Variants in RSPH6A observed in about 807,000 individuals in gnomAD.
The protein encoded by RSPH6A is radial spoke head 6 homolog A, also known as radial spoke head protein 6 homolog A.
A neutral mutation model predicts 66.1 loss-of-function variants in RSPH6A; 49 were observed. The ratio of observed to expected loss-of-function variants is 0.74; its 90% confidence interval spans 0.59 to 0.94. The LOEUF is 0.94. RSPH6A is among the 40% of genes least tolerant of loss of function. The probability of loss-of-function intolerance (pLI) is 0.00; values close to 1 mark genes in which losing one functional copy is unlikely to be tolerated. For synonymous variants in RSPH6A, 419 were observed against 402.4 expected (o/e 1.04, Z -0.49); for missense variants, 977 against 948.3 (o/e 1.03, Z -0.40).
chr19:45,796,686 T>G (rs766203826), intron 5 of RSPH6A, among the ~76,000 whole-genome samples: 2 of 152,058 alleles, frequency 1.3e-5, no homozygotes, highest in Non-Finnish European at 2.9e-5. Context: ...CTAATTTTTA[T>G]ATTTTTAGTA....
Position 45,796,009 on chromosome 19 carries a change from C to G in RSPH6A, c.2014G>C (p.Gly672Arg). 6.2e-7 allele frequency: 1 copy of G among 1,613,878 alleles called. No homozygotes were observed. Among genetic ancestry groups the G allele is most frequent in the Non-Finnish European group, 8.5e-7 (1 of 1,179,960 alleles). ...TCACTCATCTCCATGATCTCTGGGC[C>G]ACTGGGGTACTCTTGTTGAATGGGG... Reference protein sequence around the residue: ...PAPIQQEYPSGPEIMEMSDPT... With the variant: ...PAPIQQEYPSRPEIMEMSDPT... The change falls in exon 6 of 6, where the codon GGC (glycine) becomes CGC (arginine). Residue 672 changes from glycine (G) to arginine (R), a missense_variant. By Grantham distance (125) the Gly-to-Arg change is moderately radical. Coordinates refer to ENST00000221538, the MANE Select transcript of RSPH6A (RefSeq NM_030785.4).
chr19:45,815,254 G>A lies in RSPH6A; in HGVS notation c.-78C>T. 5.0e-6 allele frequency: 7 copies of A among 1,399,734 alleles called. No homozygotes were observed. In the South Asian group the frequency reaches 7.2e-5, roughly 14 times the overall value. The allele number at this position is 1,399,734 out of a possible 1,614,324, so 86.7% of individuals were successfully genotyped here. A position where few individuals can be genotyped will look rare whatever the true frequency, so the allele number is the denominator to read the frequency against. On this transcript the variant is annotated 5_prime_UTR_variant, in exon 1 of 6. Transcript: ENST00000221538. Reference sequence around the variant, plus strand: ...CAAGCGAGAGCCACCTGTCGACACCGCCGGTTTCTGAGCACCGAGAGAGGG... The same window carrying A: ...CAAGCGAGAGCCACCTGTCGACACCACCGGTTTCTGAGCACCGAGAGAGGG...
intron 2 of RSPH6A, among the ~76,000 whole-genome samples, chr19:45,805,781 G>C (rs1302765976): frequency 1.3e-5 from 2 of 152,184 alleles, no homozygotes; most frequent in Non-Finnish European, 2.9e-5. Context: ...TGAGATGTAG[G>C]GAAAGCCCTT....
Position 45,802,222 on chromosome 19 carries a change from C to T in RSPH6A, c.1696G>A (p.Glu566Lys). ...TCTTCCTCCTCCCCCAGGTCCTCCT[C>T]CTCCTCTGTCTTCTGCAAAGGGTTC... ...WVNPLQKTEE[E>K]EDLGEEEEKA... Residue 566 changes from glutamate to lysine, a missense_variant, in exon 4 of 6, where the codon GAG becomes AAG. By Grantham distance (56) the Glu-to-Lys change is moderately conservative. Coordinates refer to ENST00000221538, the MANE Select transcript of RSPH6A (RefSeq NM_030785.4). 2 of 1,544,010 alleles carry T rather than the reference C, an allele frequency of 1.3e-6. No homozygotes were observed. The highest frequency in any genetic ancestry group is 1.8e-6 in the Non-Finnish European group (2 of 1,140,880).
intron 2 of RSPH6A, among the ~76,000 whole-genome samples, chr19:45,807,637 A>C (rs56096557): frequency 0.38 from 57,304 of 152,048 alleles, 11,124 homozygotes; most frequent in East Asian, 0.54. Context: ...CAGCCTCCTG[A>C]GTAGTCGGGA....
At chr19:45,811,788 T>TTAC (rs1970633586) in intron 1 of RSPH6A, among the ~76,000 whole-genome samples, 1 of 130,612 alleles carries the variant, frequency 7.7e-6, no homozygotes, top group African/African-American at 2.9e-5. Context: ...ATTATTATTA[T>TTAC]TAGAGACAGA....
intron 2 of RSPH6A, among the ~76,000 whole-genome samples, chr19:45,808,373 G>A (rs1410524175): frequency 1.3e-5 from 2 of 152,098 alleles, no homozygotes; most frequent in Non-Finnish European, 2.9e-5. Context: ...GTTGCAGTGA[G>A]CTGAGATCGT....
chr19:45,796,065 C>A lies in RSPH6A; in HGVS notation c.1958G>T (p.Ser653Ile), dbSNP rs908066449. The A allele has an allele frequency of 1.2e-6, 2 of 1,606,512 alleles. No homozygotes were observed. The highest frequency in any genetic ancestry group is 1.3e-5 in the African/African-American group (1 of 74,712). ...NIYIGWGHKYSPESFNPALPA... is the reference protein window; with the variant it reads ...NIYIGWGHKYIPESFNPALPA... Reference sequence around the variant, plus strand: ...CAGGGCCGGGTTGAAGCTCTCGGGGCTGTACTTGTGACCCCAGCCGATGTA... The same window carrying A: ...CAGGGCCGGGTTGAAGCTCTCGGGGATGTACTTGTGACCCCAGCCGATGTA... Residue 653 changes from serine (S) to isoleucine (I), a missense_variant, in exon 6 of 6, where the codon AGC becomes ATC. Transcript: ENST00000221538.
At chr19:45,805,631 G>C (rs1970534170) in intron 2 of RSPH6A, among the ~76,000 whole-genome samples, 1 of 152,124 alleles carries the variant, frequency 6.6e-6, no homozygotes, top group South Asian at 2.1e-4. Context: ...GGCGGAGGTT[G>C]CAGTAAGCCA....
At position 45,804,411 on chromosome 19, in the gene RSPH6A, G is replaced by A. The variant is rs987234465; in HGVS notation, c.1494C>T (p.Gly498=). Residue 498 remains glycine (G), a synonymous_variant, in exon 3 of 6, where the codon GGC becomes GGT. Coordinates refer to ENST00000221538, the MANE Select transcript of RSPH6A (RefSeq NM_030785.4). This position sits in a 1 kb window ranked among gnomAD's most constrained non-coding sequence, Gnocchi z 5.8. ...CCTCCTCCTCACTAAACTGGTAGAA[G>A]CCCAGCGGGCTGACCTGCGTGGCGG... is the stretch of plus-strand genomic sequence containing the variant. ...ISAATQVSPL[G]FYQFSEEEGD... 6.2e-7 allele frequency: 1 copy of A among 1,614,082 alleles called. No homozygotes were observed. Among genetic ancestry groups the A allele is most frequent in the East Asian group, 2.2e-5 (1 of 44,864 alleles).
At chr19:45,796,588 C>A (rs1970410666) in intron 5 of RSPH6A, among the ~76,000 whole-genome samples, 1 of 152,010 alleles carries the variant, frequency 6.6e-6, no homozygotes, top group Non-Finnish European at 1.5e-5. Context: ...CCTGGGTTCA[C>A]TGCAAAATCT....
chr19:45,797,151 C>T (rs1600470470), intron 5 of RSPH6A, among the ~76,000 whole-genome samples: 3 of 150,612 alleles, frequency 2.0e-5, no homozygotes, highest in Admixed American at 1.3e-4. Flanking sequence ...CCGAGGCGGG[C>T]GGATCACAAG....
At chr19:45,810,969 G>A in intron 1 of RSPH6A, 129 bp from the exon 2 acceptor site, 1 of 559,540 alleles carries the variant, frequency 1.8e-6, no homozygotes, top group Non-Finnish European at 3.1e-6. Context: ...CCCTGCCCAG[G>A]TGTAGCTGAC....
At chr19:45,802,333 G>C (rs555645537) in intron 3 of RSPH6A, 69 bp from the exon 4 acceptor site, 29 of 1,281,030 alleles carry the variant, frequency 2.3e-5, no homozygotes, top group Non-Finnish European at 2.9e-5. Context: ...TGTGGGGGAG[G>C]TGAAGGGCCA....
Position 45,814,583 on chromosome 19 carries a change from G to A in RSPH6A, c.594C>T (p.Ala198=), listed in dbSNP as rs755906671. 5.8e-5 allele frequency: 90 copies of A among 1,548,836 alleles called. No homozygotes were observed. The highest frequency in any genetic ancestry group is 7.5e-5 in the Non-Finnish European group (86 of 1,149,648). ...GCAGGTAGGCCTTGGCGTTCTGCAC[G>A]GCCAGCTCCAGAGGCTCGGGCTCAG... is the stretch of plus-strand genomic sequence containing the variant. The part of the protein sequence containing the change: ...QVPEPEPLEL[A]VQNAKAYLLQ... The change falls in exon 1 of 6, where the codon GCC becomes GCT. Residue 198 remains alanine (A), a synonymous_variant. Transcript: ENST00000221538.
Position 45,804,104 on chromosome 19 carries a change from T to C in RSPH6A, c.1653+148A>G, listed in dbSNP as rs1056287060. ...GGTTTCTGATGGGATTATCCGCTAATATCTGTTGAACCAATGAATGGATGG... is the reference window on the plus strand; with the variant it reads ...GGTTTCTGATGGGATTATCCGCTAACATCTGTTGAACCAATGAATGGATGG... On this transcript the variant is annotated intron_variant, in intron 3 of 5. Coordinates refer to ENST00000221538, the MANE Select transcript of RSPH6A (RefSeq NM_030785.4). The surrounding 1 kb of genome is among the most constrained non-coding windows in gnomAD (Gnocchi z 5.8). 4.8e-6 allele frequency: 3 copies of C among 624,950 alleles called. No homozygotes were observed. In the East Asian group the frequency reaches 8.6e-5, roughly 18 times the overall value. The allele number at this position is 624,950 out of a possible 1,614,324, so 38.7% of individuals were successfully genotyped here.
chr19:45,806,765 C>A (rs140104304), intron 2 of RSPH6A, among the ~76,000 whole-genome samples: 2 of 149,690 alleles, frequency 1.3e-5, no homozygotes, highest in Non-Finnish European at 3.0e-5. Flanking sequence ...TAATGTACAT[C>A]TGCACGGGCC....
In RSPH6A at chr19:45,804,002, A is replaced by AAAAG. The variant is rs919745982; in HGVS notation, c.1653+249_1653+250insCTTT. ...GAGCGAGACTCTGTCTCAAAAAAAAAAAAAGAAAAGAAAAGAAAAGAAAAA... is the reference window on the plus strand; with the variant it reads ...GAGCGAGACTCTGTCTCAAAAAAAAAAAAGAAAAGAAAAGAAAAGAAAAGAAAAA... On this transcript the variant is annotated intron_variant, in intron 3 of 5. Coordinates refer to ENST00000221538, the MANE Select transcript of RSPH6A (RefSeq NM_030785.4). This position sits in a 1 kb window ranked among gnomAD's most constrained non-coding sequence, Gnocchi z 5.8. Among the ~76,000 whole-genome samples, 5 of 151,658 alleles carry AAAAG rather than the reference A, an allele frequency of 3.3e-5. No individual in the cohort carries two copies. The highest frequency in any genetic ancestry group is 3.4e-3 in the Middle Eastern group (1 of 294).
chr19:45,809,752 C>T (rs566581618), intron 2 of RSPH6A, among the ~76,000 whole-genome samples: 2 of 152,314 alleles, frequency 1.3e-5, no homozygotes, highest in East Asian at 3.9e-4. Flanking sequence ...GAGACTCCTG[C>T]AGGACCCTGT....
Sources: gnomAD v4.1 joint callset for allele counts (sites outside exome capture counted in the v4.1 genomes callset) on GRCh38, gnomAD v4.1.1 for gene constraint, Gnocchi (gnomAD v3.1) non-coding constraint, MANE v1.5 for transcripts, NCBI Gene and HGNC (gene_info 2026-07-23, HGNC 2026-07-21) for gene names.